Variants in TIAM2 observed in about 807,000 individuals in gnomAD.
TIAM2 encodes rho guanine nucleotide exchange factor TIAM2.
Under a neutral mutation model 152.9 loss-of-function variants are expected in TIAM2, and 80 were observed. That is an observed-to-expected ratio of 0.52 (90% CI 0.44 to 0.63). The LOEUF is 0.63. Ranked by LOEUF, TIAM2 falls within the 30% of genes least tolerant of loss-of-function variation. TIAM2 has a pLI of 0.00. For missense variants in TIAM2, 1,965 were observed against 2,120.1 expected (o/e 0.93, Z 1.44); for synonymous variants, 804 against 838.0 (o/e 0.96, Z 0.70).
Position 155,038,382 on chromosome 6 carries a change from A to G in TIAM2, c.-209+42890A>G, listed in dbSNP as rs187842539. ...TTCCCAGTCCTGCCTGCATTTCAGT[A>G]GATGGTAAGAAGAGAGACACAGGAT... On this transcript the variant is annotated intron_variant, in intron 1 of 26. Transcript: ENST00000682666. Among the ~76,000 whole-genome samples, 329 of 152,302 alleles carry G rather than the reference A, an allele frequency of 2.2e-3. 2 individuals carry two copies. The highest frequency in any genetic ancestry group is 3.9e-3 in the Non-Finnish European group (264 of 68,014).
intron 24 of TIAM2, chr6:155,253,752 G>T: frequency 2.0e-6 from 1 of 489,386 alleles, no homozygotes; most frequent in Non-Finnish European, 3.6e-6. Context: ...AGGCAGTTCA[G>T]ATGGAGGAAA....
chr6:155,144,156 G>A (rs990488204), intron 5 of TIAM2, among the ~76,000 whole-genome samples: 1 of 152,150 alleles, frequency 6.6e-6, no homozygotes, highest in Non-Finnish European at 1.5e-5. Flanking sequence ...TTGGAGAAAA[G>A]CACAGACCAC....
At chr6:155,154,808 C>G (rs1483477769) in intron 7 of TIAM2, among the ~76,000 whole-genome samples, 1 of 152,116 alleles carries the variant, frequency 6.6e-6, no homozygotes, top group Non-Finnish European at 1.5e-5. Flanking sequence ...TGGTAGGGTT[C>G]AGACTGCTCT....
chr6:155,209,057 C>T (rs755462175), intron 14 of TIAM2, among the ~76,000 whole-genome samples: 12 of 151,946 alleles, frequency 7.9e-5, no homozygotes, highest in Admixed American at 6.6e-5. Flanking sequence ...CAAGTGTCTG[C>T]TCTCCTTTGA....
chr6:155,110,318 C>CTT (rs67332964), intron 2 of TIAM2, among the ~76,000 whole-genome samples: 10 of 133,808 alleles, frequency 7.5e-5, no homozygotes, highest in East Asian at 2.1e-4. Context: ...TCTTTCTTTT[C>CTT]TTTTTTTTTT....
Position 155,257,713 on chromosome 6 carries a change from A to G in TIAM2, c.*592A>G. On this transcript the variant is annotated 3_prime_UTR_variant, in exon 27 of 27. Coordinates refer to ENST00000682666, the MANE Select transcript of TIAM2 (RefSeq NM_012454.4). ...CTGCCAAGCTGTATAGTAAAAGGAA[A>G]ATAAGTCACATCTGGTCATTGGCAT... is the stretch of plus-strand genomic sequence containing the variant. 4.2e-6 allele frequency: 5 copies of G among 1,203,414 alleles called. No homozygotes were observed. Among genetic ancestry groups the G allele is most frequent in the Non-Finnish European group, 5.9e-6 (5 of 841,410 alleles). The allele number at this position is 1,203,414 out of a possible 1,614,324, so 74.5% of individuals were successfully genotyped here.
At chr6:155,181,427 T>C (rs887340790) in intron 12 of TIAM2, among the ~76,000 whole-genome samples, 5 of 152,170 alleles carry the variant, frequency 3.3e-5, no homozygotes, top group Non-Finnish European at 7.4e-5. Context: ...TCAGTGAGAG[T>C]ATTTTTTTGC....
chr6:155,038,979 G>A (rs1489950404), intron 1 of TIAM2, among the ~76,000 whole-genome samples: 11 of 98,674 alleles, frequency 1.1e-4, no homozygotes, highest in Non-Finnish European at 2.0e-4. Flanking sequence ...TTTTTTTTTG[G>A]CGATAGGGTC....
At chr6:155,041,021 C>G (rs1777014823) in intron 1 of TIAM2, among the ~76,000 whole-genome samples, 1 of 152,102 alleles carries the variant, frequency 6.6e-6, no homozygotes, top group African/African-American at 2.4e-5. Flanking sequence ...TCAGCTCAGG[C>G]AAGTTCCCTA....
intron 2 of TIAM2, among the ~76,000 whole-genome samples, chr6:155,112,110 C>G (rs942305347): frequency 1.3e-5 from 2 of 150,478 alleles, no homozygotes; most frequent in African/African-American, 2.4e-5. Context: ...GTGCCACATA[C>G]TCTCTTGGTT....
At chr6:155,079,863 G>A (rs771467234) in intron 1 of TIAM2, among the ~76,000 whole-genome samples, 5 of 152,200 alleles carry the variant, frequency 3.3e-5, no homozygotes, top group Non-Finnish European at 7.3e-5. Context: ...TAGGAGAATC[G>A]CTTGAAACTG....
chr6:155,251,999 A>C lies in TIAM2; in HGVS notation c.4115A>C (p.Lys1372Thr). The C allele has an allele frequency of 6.2e-7, 1 of 1,604,902 alleles. No homozygotes were observed. The highest frequency in any genetic ancestry group is 8.5e-7 in the Non-Finnish European group (1 of 1,176,310). ...VYKENCKLKKKLPSNSRPAHN... is the reference protein window; with the variant it reads ...VYKENCKLKKTLPSNSRPAHN... ...AAAGAAAACTGCAAACTGAAAAAGA[A>C]ATTGGTAAGGCAAAAATTCATTTTA... The change falls in exon 23 of 27, where the codon AAA becomes ACA. Residue 1372 changes from lysine to threonine, a missense_variant. Coordinates refer to ENST00000682666, the MANE Select transcript of TIAM2 (RefSeq NM_012454.4).
rs1331248564 is a variant in TIAM2, at chr6:155,156,364, G to A, written c.2028+8030G>A. Among the ~76,000 whole-genome samples, 1 of 152,018 alleles carries A rather than the reference G, an allele frequency of 6.6e-6. No homozygotes were observed. The highest frequency in any genetic ancestry group is 2.4e-5 in the African/African-American group (1 of 41,402). On this transcript the variant is annotated intron_variant, in intron 7 of 26. Transcript: ENST00000682666. The surrounding 1 kb of genome is among the most constrained non-coding windows in gnomAD (Gnocchi z 4.4). ...AGCCAGACTGGGTTGCATCGGAAAA[G>A]CACATCTGGGTCAGGTGCAGTGGCT... is the stretch of plus-strand genomic sequence containing the variant.
rs187723797 is a variant in TIAM2, at chr6:155,142,297, G to A, written c.1631-2309G>A. On this transcript the variant is annotated intron_variant, in intron 5 of 26. Coordinates refer to ENST00000682666, the MANE Select transcript of TIAM2 (RefSeq NM_012454.4). ...AATTCTGCCTATTGTTTTACTTCCT[G>A]GCCTGGCTCTAATGTGAAATGTCCT... Among the ~76,000 whole-genome samples, 463 of 152,304 alleles carry A rather than the reference G, an allele frequency of 3.0e-3. 2 individuals are homozygous for A. The highest frequency in any genetic ancestry group is 0.011 in the African/African-American group (439 of 41,562).
intron 1 of TIAM2, among the ~76,000 whole-genome samples, chr6:155,009,373 A>C (rs896455069): frequency 6.6e-6 from 1 of 152,058 alleles, no homozygotes; most frequent in African/African-American, 2.4e-5. Flanking sequence ...AAGTTCTAGG[A>C]TTACAGGTGT....
intron 20 of TIAM2, 88 bp downstream of exon 20, chr6:155,248,267 T>G: frequency 2.1e-6 from 3 of 1,436,866 alleles, no homozygotes; most frequent in Non-Finnish European, 2.8e-6. Context: ...AGCTCACCTC[T>G]TCCCCGCCTA....
At chr6:155,093,078 A>G (rs2114982651) in intron 2 of TIAM2, among the ~76,000 whole-genome samples, 1 of 152,330 alleles carries the variant, frequency 6.6e-6, no homozygotes, top group Non-Finnish European at 1.5e-5. Context: ...TGTGTGTATA[A>G]CAATATAGTT....
At chr6:155,166,841 C>A (rs564475297) in intron 9 of TIAM2, among the ~76,000 whole-genome samples, 1 of 152,100 alleles carries the variant, frequency 6.6e-6, no homozygotes, top group African/African-American at 2.4e-5. Flanking sequence ...TATATGATGA[C>A]CTGATCATTC....
At chr6:155,172,657 TA>T (rs1562340968) in intron 9 of TIAM2, among the ~76,000 whole-genome samples, 111 of 10,598 alleles carry the variant, frequency 0.01, 3 homozygotes, top group African/African-American at 0.022. Flanking sequence ...TATATATATA[TA>T]TATATATATA....
Sources: allele counts gnomAD v4.1 joint callset (sites outside exome capture counted in the v4.1 genomes callset), GRCh38; gene constraint gnomAD v4.1.1; non-coding constraint Gnocchi (gnomAD v3.1); transcripts MANE v1.5; gene names NCBI Gene and HGNC (gene_info 2026-07-23, HGNC 2026-07-21).